LRRC56: variants seen among roughly 807,000 people sequenced by gnomAD.
LRRC56 encodes the protein leucine-rich repeat-containing protein 56.
A neutral mutation model predicts 47.8 loss-of-function variants in LRRC56; 41 were observed. The observed-to-expected ratio is 0.86, with a 90% CI of 0.67 to 1.11. LRRC56 has a LOEUF of 1.11. Among genes scored for constraint, LRRC56 ranks in the 50% most tolerant of loss-of-function variants. The probability of loss-of-function intolerance (pLI) is 0.00; values close to 1 mark genes in which losing one functional copy is unlikely to be tolerated. For missense variants in LRRC56, 759 were observed against 704.2 expected (o/e 1.08, Z -0.88); for synonymous variants, 387 against 311.2 (o/e 1.24, Z -2.56).
chr11:517,937 A>T, the LRRC56 span, among the ~76,000 whole-genome samples: 4 of 152,180 alleles, frequency 2.6e-5, no homozygotes, highest in Non-Finnish European at 5.9e-5. Flanking sequence ...GCGGTGCCAG[A>T]TGTGCTTTGT....
intron 1 of LRRC56, among the ~76,000 whole-genome samples, 160 bp downstream of exon 1, chr11:537,765 C>G (rs954514667): frequency 6.6e-6 from 1 of 152,174 alleles, no homozygotes; most frequent in Non-Finnish European, 1.5e-5. Context: ...CCCTGAGGAC[C>G]CTTGCCTCCA....
At chr11:509,207 C>T in the LRRC56 span, among the ~76,000 whole-genome samples, 7 of 152,234 alleles carry the variant, frequency 4.6e-5, no homozygotes, top group African/African-American at 1.4e-4. Context: ...ACTCTCTAAG[C>T]TTTGGAGTCT....
At chr11:507,692 C>G in the LRRC56 span, among the ~76,000 whole-genome samples, 6 of 152,246 alleles carry the variant, frequency 3.9e-5, no homozygotes, top group Non-Finnish European at 8.8e-5. Context: ...GGGAGAAACC[C>G]CCCTGGGGCG....
intron 3 of LRRC56, 58 bp from the exon 4 acceptor site, chr11:540,616 G>T: frequency 2.0e-6 from 3 of 1,485,408 alleles, no homozygotes; most frequent in South Asian, 1.2e-5. Flanking sequence ...GGTCTCAGCC[G>T]GGCTGCAGAG....
chr11:549,790 G>A, intron 6 of LRRC56, 112 bp from the exon 7 acceptor site: 2 of 844,870 alleles, frequency 2.4e-6, no homozygotes, highest in South Asian at 3.1e-5. Flanking sequence ...CCTCAGTCTA[G>A]AGGCCACCAT....
At chr11:535,498 C>G (rs959436276), upstream of LRRC56, 15 of 147,620 alleles carry the variant, frequency 1.0e-4, no homozygotes, top group African/African-American at 3.7e-4. Context: ...CGGTTCGCCC[C>G]GCGCATGGGC....
At chr11:532,285 C>G in the LRRC56 span, 1 of 468,178 alleles carries the variant, frequency 2.1e-6, no homozygotes, top group Non-Finnish European at 3.9e-6. Context: ...CTGTGCCCGA[C>G]AAGGGCCCAC....
chr11:528,655 AT>A, the LRRC56 span: 3 of 152,148 alleles, frequency 2.0e-5, no homozygotes, highest in Non-Finnish European at 4.4e-5. Context: ...TGCTCTGACG[AT>A]CGTCTCGAGC....
chr11:544,794 G>T lies in LRRC56; in HGVS notation c.326+14G>T, dbSNP rs373516944. ...GGGCTCCCTGAGGTGAGCGCCTGAG[G>T]GGGGTGGGCTGGGGCCCTGCCATGA... On this transcript the variant is annotated intron_variant, in intron 6 of 13. Transcript: ENST00000270115. 2.1e-5 allele frequency: 34 copies of T among 1,611,750 alleles called. No homozygotes were observed. Among genetic ancestry groups the T allele is most frequent in the Admixed American group, 1.3e-4 (8 of 59,966 alleles).
the LRRC56 span, among the ~76,000 whole-genome samples, chr11:526,265 C>G: frequency 6.6e-6 from 1 of 152,136 alleles, no homozygotes; most frequent in Non-Finnish European, 1.5e-5. Context: ...AAAACTTCAG[C>G]AAAGGGGACC....
the LRRC56 span, among the ~76,000 whole-genome samples, chr11:512,338 A>G: frequency 6.6e-6 from 1 of 152,156 alleles, no homozygotes; most frequent in African/African-American, 2.4e-5. Flanking sequence ...CAGTTCAAGC[A>G]GTTCTCCGCC....
intron 1 of LRRC56, among the ~76,000 whole-genome samples, 189 bp from the exon 2 acceptor site, chr11:538,409 G>A (rs1369652506): frequency 6.6e-6 from 1 of 152,200 alleles, no homozygotes; most frequent in Non-Finnish European, 1.5e-5. Flanking sequence ...TGAGGCCTGG[G>A]GCCTTGCACT....
upstream of LRRC56, chr11:533,335 G>A: frequency 6.2e-7 from 1 of 1,605,456 alleles, no homozygotes; most frequent in Non-Finnish European, 8.5e-7. Flanking sequence ...TCCCGGAGCT[G>A]GAGCTAGAGC....
upstream of LRRC56, among the ~76,000 whole-genome samples, chr11:533,005 G>A (rs1851199032): frequency 6.6e-6 from 1 of 152,158 alleles, no homozygotes; most frequent in South Asian, 2.1e-4. Flanking sequence ...TCCAGGTCTG[G>A]CCAGGGTTTG....
In LRRC56 at chr11:549,929, G is replaced by T. The variant is rs1171824061; in HGVS notation, c.354G>T (p.Leu118=). Residue 118 remains leucine, a synonymous_variant, in exon 7 of 14, where the codon CTG becomes CTT. Transcript: ENST00000270115. ...LRDLGTSLGH[L]QVLWLARCGL... Reference sequence around the variant, plus strand: ...ACTTGGGCACGTCTCTGGGCCACCTGCAGGTGCTGTGGCTGGCTCGCTGTG... The same window carrying T: ...ACTTGGGCACGTCTCTGGGCCACCTTCAGGTGCTGTGGCTGGCTCGCTGTG... 2.9e-5 allele frequency: 47 copies of T among 1,612,888 alleles called. No individual in the cohort carries two copies. Among genetic ancestry groups the T allele is most frequent in the Non-Finnish European group, 3.6e-5 (42 of 1,179,922 alleles).
At chr11:529,918 G>A in the LRRC56 span, 2 of 152,278 alleles carry the variant, frequency 1.3e-5, no homozygotes, top group East Asian at 1.9e-4. Flanking sequence ...GGCTGTCCCC[G>A]AGGCCAAGGC....
At chr11:549,319 G>GCAGGGGCAGGCA (rs1241063219) in intron 6 of LRRC56, among the ~76,000 whole-genome samples, 2 of 152,164 alleles carry the variant, frequency 1.3e-5, no homozygotes, top group African/African-American at 4.8e-5. Context: ...GGCAGGTGCA[G>GCAGGGGCAGGCA]GGTCCCTGGG....
At chr11:532,324 G>A in the LRRC56 span, 6 of 512,650 alleles carry the variant, frequency 1.2e-5, no homozygotes, top group Non-Finnish European at 2.1e-5. Flanking sequence ...CTAAGGGCTG[G>A]GGTTCCGGTG....
At chr11:526,033 G>A in the LRRC56 span, among the ~76,000 whole-genome samples, 6 of 151,642 alleles carry the variant, frequency 4.0e-5, no homozygotes, top group African/African-American at 1.5e-4. Context: ...TGGTGAAACC[G>A]TGTCTCTACT....
Sources: allele counts gnomAD v4.1 joint callset (sites outside exome capture counted in the v4.1 genomes callset), GRCh38; gene constraint gnomAD v4.1.1; transcripts MANE v1.5; gene names NCBI Gene and HGNC (gene_info 2026-07-23, HGNC 2026-07-21).